Variants in ANKRD36C observed in about 807,000 individuals in gnomAD.
ANKRD36C encodes ankyrin repeat domain 36C, also known as ankyrin repeat domain-containing protein 36C.
In ANKRD36C, 61 loss-of-function variants were observed where a neutral mutation model predicts 276.4. That is an observed-to-expected ratio of 0.22 (90% confidence interval 0.18 to 0.27). The LOEUF (loss-of-function observed/expected upper bound fraction) is 0.27, where lower values mean the gene tolerates loss of function less well. Ranked by LOEUF, ANKRD36C falls within the 10% of genes least tolerant of loss-of-function variation. The pLI is 1.00. For synonymous variants in ANKRD36C, 483 were observed against 680.1 expected, an observed-to-expected ratio of 0.71 and a Z score of 4.51; for missense variants, 1,447 against 2,032.3, an observed-to-expected ratio of 0.71 and a Z score of 5.54.
Position 95,919,655 on chromosome 2 carries a change from C to T in ANKRD36C, c.2246-1613G>A, listed in dbSNP as rs1364927311. The T allele has an allele frequency of 6.5e-6, 4 of 613,652 alleles. 2 individuals are homozygous for T. The highest frequency in any genetic ancestry group is 8.0e-6 in the Non-Finnish European group (4 of 497,922). The allele number at this position is 613,652 out of a possible 1,614,324, so 38.0% of individuals were successfully genotyped here. A position where few individuals can be genotyped will look rare whatever the true frequency, so the allele number is the denominator to read the frequency against. Reference sequence around the variant, plus strand: ...GCTTCGGCGACTCCCCCCACCCACCCTCCGCTGATTTATTCGGGATAGAGA... The same window carrying T: ...GCTTCGGCGACTCCCCCCACCCACCTTCCGCTGATTTATTCGGGATAGAGA... On this transcript the variant is annotated intron_variant, in intron 34 of 66. Transcript: ENST00000456556.
intron 60 of ANKRD36C, among the ~76,000 whole-genome samples, chr2:95,863,111 C>A (rs887219794): frequency 1.4e-4 from 22 of 152,060 alleles, no homozygotes; most frequent in East Asian, 7.7e-4. Context: ...CAGGCTGCTC[C>A]GAATAAAAGA....
rs543592092 is a variant in ANKRD36C at position 95,963,157 on chromosome 2, T to G, written c.800-610A>C. Among the ~76,000 whole-genome samples the G allele has an allele frequency of 5.1e-3, 776 of 152,142 alleles. 11 individuals are homozygous for G. Among genetic ancestry groups the G allele is most frequent in the African/African-American group, 0.018 (742 of 41,548 alleles). ...CCATGTGGTGTAATAATTGCCCAAG[T>G]TTCTTGTGTTCTCTAGTTCAGCCTT... On this transcript the variant is annotated intron_variant, in intron 6 of 66. Transcript: ENST00000456556.
intron 6 of ANKRD36C, among the ~76,000 whole-genome samples, chr2:95,976,814 T>C (rs1678819155): frequency 6.6e-6 from 1 of 151,976 alleles, no homozygotes. Context: ...TTTTGAGTAA[T>C]CTTACTTGTT....
chr2:95,991,248 G>A (rs1346540924), intron 1 of ANKRD36C, among the ~76,000 whole-genome samples: 2 of 96,816 alleles, frequency 2.1e-5, no homozygotes, highest in Non-Finnish European at 4.1e-5. Flanking sequence ...CCTTCATTCC[G>A]TCCACCTCAG....
intron 58 of ANKRD36C, among the ~76,000 whole-genome samples, chr2:95,879,890 A>G (rs1462356628): frequency 6.9e-6 from 1 of 144,600 alleles, no homozygotes; most frequent in Non-Finnish European, 1.5e-5. Context: ...ATAAAACCTT[A>G]TATTTTTAGG....
intron 6 of ANKRD36C, among the ~76,000 whole-genome samples, chr2:95,975,525 G>A (rs987189748): frequency 6.6e-6 from 1 of 152,172 alleles, no homozygotes; most frequent in Non-Finnish European, 1.5e-5. Flanking sequence ...AAGCAATGGG[G>A]AAAGGATTCC....
intron 32 of ANKRD36C, among the ~76,000 whole-genome samples, chr2:95,922,637 A>G (rs1677302137): frequency 6.6e-6 from 1 of 151,650 alleles, no homozygotes. Context: ...TCAGTTGATG[A>G]ACTCAACATT....
exon 61 of ANKRD36C, chr2:95,859,877 C>T (rs766880445): frequency 3.2e-6 from 5 of 1,549,514 alleles, no homozygotes; most frequent in Non-Finnish European, 4.4e-6. Context: ...CTACAGAGTT[C>T]TTTTTCCAAT....
chr2:95,910,297 C>A (rs909106815), intron 42 of ANKRD36C, 76 bp downstream of exon 46: 68 of 1,440,320 alleles, frequency 4.7e-5, no homozygotes, highest in African/African-American at 4.5e-4. Context: ...GACGAGCCAC[C>A]CGCTGCTTTA....
chr2:95,908,567 C>T (rs775514152), intron 42 of ANKRD36C: 10 of 1,557,332 alleles, frequency 6.4e-6, no homozygotes, highest in Non-Finnish European at 8.7e-6. Flanking sequence ...TTTCTCATCT[C>T]TTGTAGCCTG....
intron 16 of ANKRD36C, among the ~76,000 whole-genome samples, chr2:95,949,169 T>C (rs1678132240): frequency 2.6e-5 from 4 of 152,116 alleles, no homozygotes; most frequent in Admixed American, 1.3e-4. Context: ...CCTGAAAAAC[T>C]GCAAATGTTT....
intron 26 of ANKRD36C, among the ~76,000 whole-genome samples, chr2:95,927,728 G>A (rs1008441007): frequency 6.6e-6 from 1 of 151,634 alleles, no homozygotes. Context: ...TCACACACCT[G>A]AGAATCAATG....
At chr2:95,892,671 G>A (rs1341066764) in intron 44 of ANKRD36C, among the ~76,000 whole-genome samples, 1 of 151,358 alleles carries the variant, frequency 6.6e-6, no homozygotes, top group Non-Finnish European at 1.5e-5. Flanking sequence ...ACCATTTTAG[G>A]AGTTAATTAG....
intron 30 of ANKRD36C, among the ~76,000 whole-genome samples, chr2:95,924,909 A>G (rs1301042958): frequency 6.6e-6 from 1 of 151,592 alleles, no homozygotes; most frequent in African/African-American, 2.4e-5. Context: ...TGATGAAAAT[A>G]ATTACTACAT....
chr2:95,956,289 T>C (rs573785071), intron 13 of ANKRD36C, among the ~76,000 whole-genome samples: 2 of 152,246 alleles, frequency 1.3e-5, no homozygotes, highest in African/African-American at 2.4e-5. Flanking sequence ...CTTTAAAATT[T>C]TGATGGTTAA....
chr2:95,991,617 T>C, exon 1 of ANKRD36C: 1 of 1,614,018 alleles, frequency 6.2e-7, no homozygotes, highest in Non-Finnish European at 8.5e-7. Context: ...CTTCAGATGA[T>C]ACGGTTTAAT....
chr2:95,958,674 T>C lies in ANKRD36C; in HGVS notation c.1033-11A>G. 1 of 1,549,550 alleles carries C rather than the reference T, an allele frequency of 6.5e-7. No individual in the cohort carries two copies. The highest frequency in any genetic ancestry group is 8.7e-7 in the Non-Finnish European group (1 of 1,150,014). ...CTTGTCACTTGTATCCTGAATGGGA[T>C]TTCAAACAAAATAATCAATACCTAA... On this transcript the variant is annotated splice_polypyrimidine_tract_variant and intron_variant, in intron 11 of 66. Transcript: ENST00000456556.
At chr2:95,938,374 G>A (rs1192488885) in intron 22 of ANKRD36C, among the ~76,000 whole-genome samples, 1 of 152,288 alleles carries the variant, frequency 6.6e-6, no homozygotes, top group African/African-American at 2.4e-5. Context: ...TACACATGCA[G>A]AAACTCAATC....
chr2:95,882,596 G>A (rs768382036), intron 54 of ANKRD36C, 99 bp from the exon 75 acceptor site: 27 of 1,387,914 alleles, frequency 1.9e-5, no homozygotes, highest in Admixed American at 2.4e-5. Context: ...CCTCCTGCCT[G>A]TACTAGTGTA....
Sources: gnomAD v4.1 joint callset for allele counts (sites outside exome capture counted in the v4.1 genomes callset) on GRCh38, gnomAD v4.1.1 for gene constraint, MANE v1.5 for transcripts, NCBI Gene and HGNC (gene_info 2026-07-23, HGNC 2026-07-21) for gene names.